The following CKAP5 variants were observed in gnomAD, a reference collection of about 807,000 sequenced individuals.
The protein encoded by CKAP5 is cytoskeleton-associated protein 5.
CKAP5 carries 27 observed loss-of-function variants against 232.8 expected under a neutral mutation model. The ratio of observed to expected loss-of-function variants is 0.12; its 90% CI spans 0.09 to 0.16. The LOEUF (loss-of-function observed/expected upper bound fraction) is 0.16. CKAP5 is among the 10% of genes least tolerant of loss of function. The pLI is 1.00. For synonymous variants in CKAP5, 785 were observed against 841.1 expected (o/e 0.93, Z 1.16); for missense variants, 1,838 against 2,424.7 (o/e 0.76, Z 5.08).
At chr11:46,831,021 C>T (rs1163191018) in intron 1 of CKAP5, among the ~76,000 whole-genome samples, 2 of 152,024 alleles carry the variant, frequency 1.3e-5, no homozygotes, top group Admixed American at 6.6e-5. Flanking sequence ...GCCGAGATCG[C>T]GTCACTGCAC....
chr11:46,801,981 T>C (rs1486942122), intron 8 of CKAP5: 1 of 152,264 alleles, frequency 6.6e-6, no homozygotes, highest in Non-Finnish European at 1.5e-5. Context: ...GCAATGTATC[T>C]CTGAAAGACA....
intron 9 of CKAP5, among the ~76,000 whole-genome samples, chr11:46,800,296 T>C (rs1466809267): frequency 6.6e-6 from 1 of 152,226 alleles, no homozygotes; most frequent in East Asian, 1.9e-4. Context: ...TGTCTTCTTT[T>C]TCTTCAGTTA....
At chr11:46,791,436 T>C (rs1405599037) in intron 13 of CKAP5, among the ~76,000 whole-genome samples, 1 of 151,954 alleles carries the variant, frequency 6.6e-6, no homozygotes, top group Non-Finnish European at 1.5e-5. Flanking sequence ...CCCAGCACTC[T>C]GGGAGGCTAA....
At position 46,790,507 on chromosome 11, in the gene CKAP5, C is replaced by G. The variant is rs1938694624; in HGVS notation, c.1727G>C (p.Gly576Ala). 1 of 1,613,952 alleles carries G rather than the reference C, an allele frequency of 6.2e-7. No homozygotes were observed. The part of the protein sequence containing the change: ...AGNTGTKNKK[G>A]LETKEIVEPE... ...CTCCACTATTTCTTTAGTCTCCAGT[C>G]CTTTCTTGTTCTTGGTTCCAGTATT... The change falls in exon 14 of 44, where the codon GGA (glycine) becomes GCA (alanine). Residue 576 changes from glycine to alanine, a missense_variant. Around this residue, in one of 6 missense-constraint regions of CKAP5, gnomAD observed 767 missense variants for 954.6 expected, o/e 0.80. Coordinates refer to ENST00000529230, the MANE Select transcript of CKAP5 (RefSeq NM_001008938.4).
rs775244202 is a variant in CKAP5, at chr11:46,790,156, C to A, written c.1795G>T (p.Val599Phe). 9 of 1,609,798 alleles carry A rather than the reference C, an allele frequency of 5.6e-6. No homozygotes were observed. Among genetic ancestry groups the A allele is most frequent in the Admixed American group, 1.7e-5 (1 of 59,760 alleles). ...IEVCEEKASA[V>F]LPPTCIQLLD... The stretch of plus-strand genomic sequence containing the variant: ...AGCTGTATACAGGTAGGGGGAAGAA[C>A]AGCTGAAGCTTTTTCTTCACATACT... The change falls in exon 15 of 44, where the codon GTT (valine) becomes TTT (phenylalanine). Residue 599 changes from valine to phenylalanine, a missense_variant. By Grantham distance (50) the Val-to-Phe change is conservative (BLOSUM62 -1). This residue lies in a region of CKAP5 where 767 missense variants were observed against 954.6 expected (regional missense o/e 0.80). Transcript: ENST00000529230.
In CKAP5 at chr11:46,845,224, G is replaced by A. The variant is rs148076976; in HGVS notation, c.-38+996C>T. On this transcript the variant is annotated intron_variant, in intron 1 of 43. Coordinates refer to ENST00000529230, the MANE Select transcript of CKAP5 (RefSeq NM_001008938.4). ...GAGGAGCTCACCTTTCTAAAAATGA[G>A]TTTTCAATTACTATAATTATGCATA... Among the ~76,000 whole-genome samples, 946 of 152,290 alleles carry A rather than the reference G, an allele frequency of 6.2e-3. 12 individuals carry two copies. Among genetic ancestry groups the A allele is most frequent in the African/African-American group, 0.022 (903 of 41,546 alleles).
intron 1 of CKAP5, among the ~76,000 whole-genome samples, chr11:46,826,372 T>C (rs1195923511): frequency 1.3e-5 from 2 of 152,194 alleles, no homozygotes; most frequent in Admixed American, 1.3e-4. Context: ...GAAAACCTAA[T>C]GCTTACTCAT....
chr11:46,811,526 G>C (rs548731179), intron 4 of CKAP5, among the ~76,000 whole-genome samples: 77 of 152,158 alleles, frequency 5.1e-4, no homozygotes, highest in African/African-American at 1.9e-3. Context: ...GCCCAGGCTA[G>C]AGTGGTATGG....
chr11:46,760,167 G>T (rs938828409), intron 33 of CKAP5, among the ~76,000 whole-genome samples: 2 of 152,170 alleles, frequency 1.3e-5, no homozygotes, highest in African/African-American at 4.8e-5. Context: ...AGAAGAAAGT[G>T]AATCAGTATT....
At chr11:46,836,911 T>A (rs554950837) in intron 1 of CKAP5, among the ~76,000 whole-genome samples, 198 of 152,308 alleles carry the variant, frequency 1.3e-3, no homozygotes, top group African/African-American at 4.5e-3. Context: ...ATGCAAATTT[T>A]AAAAAGTCAT....
chr11:46,842,298 T>C (rs780078797), intron 1 of CKAP5, among the ~76,000 whole-genome samples: 2 of 152,188 alleles, frequency 1.3e-5, no homozygotes, highest in African/African-American at 4.8e-5. Context: ...CTTTGTACAT[T>C]AGTATCATAA....
At chr11:46,812,831 C>T (rs1471983025) in intron 4 of CKAP5, among the ~76,000 whole-genome samples, 4 of 151,830 alleles carry the variant, frequency 2.6e-5, no homozygotes, top group South Asian at 2.1e-4. Context: ...TTTGTAGAGA[C>T]GGGGTTTCTC....
At chr11:46,792,502 G>T (rs1423332656) in intron 13 of CKAP5, among the ~76,000 whole-genome samples, 1 of 151,764 alleles carries the variant, frequency 6.6e-6, no homozygotes, top group African/African-American at 2.4e-5. Context: ...GCAGTGAGAT[G>T]AAATCGTGCC....
chr11:46,750,828 G>A (rs1377426882), intron 40 of CKAP5, among the ~76,000 whole-genome samples: 1 of 152,180 alleles, frequency 6.6e-6, no homozygotes, highest in Non-Finnish European at 1.5e-5. Flanking sequence ...CAACTTGATG[G>A]AGAAGGAACT....
In CKAP5 at chr11:46,798,094, T is replaced by C. The variant is rs201848818; in HGVS notation, c.1162A>G (p.Ile388Val). 1.3e-5 allele frequency: 21 copies of C among 1,613,880 alleles called. No individual in the cohort carries two copies. Among genetic ancestry groups the C allele is most frequent in the African/African-American group, 6.7e-5 (5 of 75,046 alleles). The change falls in exon 10 of 44, where the codon ATC (isoleucine) becomes GTC (valine). Residue 388 changes from isoleucine (I) to valine (V), a missense_variant. This residue lies in a region of CKAP5 where 97 missense variants were observed against 167.7 expected (regional missense o/e 0.58). Coordinates refer to ENST00000529230, the MANE Select transcript of CKAP5 (RefSeq NM_001008938.4). ...VQALQEAIDA[I>V]FLTTTLQNIS... ...TGCTGTCAACTTACAGTAAGGAAGA[T>C]TGCATCAATTGCCTCCTGCAGGGCT...
chr11:46,754,800 A>T, intron 36 of CKAP5, 88 bp downstream of exon 36: 1 of 1,115,010 alleles, frequency 9.0e-7, no homozygotes, highest in Non-Finnish European at 1.3e-6. Context: ...CACAGGACTC[A>T]CTGCAACATC....
rs542613426 is a variant in CKAP5 at position 46,761,903 on chromosome 11, AAACTT to A, written c.4221+92_4221+96del. 1,461 of 991,882 alleles carry A rather than the reference AAACTT, an allele frequency of 1.5e-3. 9 individuals are homozygous for A. The highest frequency in any genetic ancestry group is 6.3e-3 in the South Asian group (391 of 62,310). 61.4% of individuals were successfully genotyped at this position (991,882 alleles called of 1,614,324 possible). Reference sequence around the variant, plus strand: ...GGTTGAGTTGACTAAAAAGTAGTAAAAACTTAGCTACAGTTGAGAGGACAGGAAAC... The same window carrying A: ...GGTTGAGTTGACTAAAAAGTAGTAAAAGCTACAGTTGAGAGGACAGGAAAC... On this transcript the variant is annotated intron_variant, in intron 32 of 43. Coordinates refer to ENST00000529230, the MANE Select transcript of CKAP5 (RefSeq NM_001008938.4).
At chr11:46,831,674 G>T (rs1939796592) in intron 1 of CKAP5, among the ~76,000 whole-genome samples, 1 of 151,644 alleles carries the variant, frequency 6.6e-6, no homozygotes, top group Non-Finnish European at 1.5e-5. Context: ...GACTACTGGG[G>T]CATGCACCAC....
intron 9 of CKAP5, among the ~76,000 whole-genome samples, chr11:46,798,531 G>T (rs1347004534): frequency 6.7e-6 from 1 of 149,706 alleles, no homozygotes; most frequent in Admixed American, 6.7e-5. Context: ...AGTGAGCTAC[G>T]ACTGCATCAC....
Sources: gnomAD v4.1 joint callset for allele counts (sites outside exome capture counted in the v4.1 genomes callset) on GRCh38, gnomAD v4.1.1 for gene constraint, gnomAD v4.1.1 regional missense constraint, MANE v1.5 for transcripts, NCBI Gene and HGNC (gene_info 2026-07-23, HGNC 2026-07-21) for gene names.